The following GARIN5B variants were observed in gnomAD, a reference collection of about 807,000 sequenced individuals.
GARIN5B encodes golgi associated RAB2 interactor family member 5B.
At chr19:55,358,821 G>T in the GARIN5B span, 3 of 1,546,514 alleles carry the variant, frequency 1.9e-6, no homozygotes, top group East Asian at 2.4e-5. Context: ...TCCTGGGAGG[G>T]GCCCTCGACG....
At chr19:55,356,003 C>T in the GARIN5B span, among the ~76,000 whole-genome samples, 3 of 150,014 alleles carry the variant, frequency 2.0e-5, no homozygotes, top group East Asian at 3.9e-4. Context: ...AAATCAAAAA[C>T]TTGGCTGGGC....
the GARIN5B span, chr19:55,358,347 C>A: frequency 6.6e-7 from 1 of 1,525,724 alleles, no homozygotes; most frequent in Non-Finnish European, 8.8e-7. Flanking sequence ...GCTGTGGCCT[C>A]CATCTTTGAG....
the GARIN5B span, chr19:55,363,051 T>G: frequency 1.3e-6 from 2 of 1,497,934 alleles, no homozygotes; most frequent in Non-Finnish European, 1.8e-6. This position sits in a 1 kb window ranked among gnomAD's most constrained non-coding sequence, Gnocchi z 4.0. Context: ...CACCTCCTGT[T>G]TCGAAGCCAG....
At chr19:55,362,018 G>C in the GARIN5B span, among the ~76,000 whole-genome samples, 1 of 136,510 alleles carries the variant, frequency 7.3e-6, no homozygotes, top group African/African-American at 3.0e-5. Context: ...TTCTTCCCTC[G>C]ACTCAGGGGT....
At chr19:55,355,899 T>C in the GARIN5B span, among the ~76,000 whole-genome samples, 1 of 151,698 alleles carries the variant, frequency 6.6e-6, no homozygotes, top group Non-Finnish European at 1.5e-5. Context: ...GGCAGGAGAA[T>C]CACCTGAGCC....
chr19:55,358,851 C>A, the GARIN5B span: 9 of 1,547,252 alleles, frequency 5.8e-6, no homozygotes, highest in Non-Finnish European at 7.9e-6. Flanking sequence ...TTGGCCTTGA[C>A]CCATCTCTTC....
chr19:55,359,237 G>C, the GARIN5B span: 1 of 1,551,274 alleles, frequency 6.4e-7, no homozygotes, highest in South Asian at 1.2e-5. Context: ...GTATTCGGTA[G>C]GTGAGGTTGG....
At chr19:55,358,460 G>A in the GARIN5B span, 3 of 1,528,544 alleles carry the variant, frequency 2.0e-6, no homozygotes, top group South Asian at 1.2e-5. Context: ...ACTGGCAGAG[G>A]TGGGCTTGGA....
At chr19:55,362,885 C>T in the GARIN5B span, 3 of 1,480,738 alleles carry the variant, frequency 2.0e-6, no homozygotes, top group Middle Eastern at 3.5e-4. Flanking sequence ...CCCTCTGTCC[C>T]TCTCAGCCCC....
the GARIN5B span, among the ~76,000 whole-genome samples, chr19:55,357,036 G>T: frequency 6.6e-6 from 1 of 152,130 alleles, no homozygotes; most frequent in African/African-American, 2.4e-5. Context: ...TAGCCTGGGC[G>T]ACAGAGCAAG....
the GARIN5B span, among the ~76,000 whole-genome samples, chr19:55,361,710 TCCCCAGCCCCTCCTCCCTCAGAC>T: frequency 2.5e-5 from 1 of 40,256 alleles, no homozygotes; most frequent in Non-Finnish European, 6.4e-5. Flanking sequence ...GACCCAGGAG[TCCCCAGCCCCTCCTCCCTCAGAC>T]CCAGGAGTTC....
At chr19:55,356,140 GC>G in the GARIN5B span, among the ~76,000 whole-genome samples, 1 of 151,886 alleles carries the variant, frequency 6.6e-6, no homozygotes, top group East Asian at 1.9e-4. Context: ...ACTTTGGGAA[GC>G]CGGATGGATC....
chr19:55,361,816 C>CCAGA, the GARIN5B span, among the ~76,000 whole-genome samples: 7 of 114,094 alleles, frequency 6.1e-5, no homozygotes, highest in African/African-American at 2.5e-4. Flanking sequence ...ACCCAGGAGT[C>CCAGA]CCCCAGCCCC....
chr19:55,362,281 C>T, the GARIN5B span: 26 of 1,545,974 alleles, frequency 1.7e-5, no homozygotes, highest in African/African-American at 4.1e-5. Flanking sequence ...CTTCGGCCAG[C>T]GGCATATCCA....
the GARIN5B span, chr19:55,361,102 G>T: frequency 3.9e-6 from 6 of 1,551,246 alleles, no homozygotes; most frequent in Non-Finnish European, 4.4e-6. Flanking sequence ...GCGCTTGAGC[G>T]CCTGGAGTGG....
the GARIN5B span, chr19:55,360,711 C>G: frequency 6.4e-7 from 1 of 1,551,636 alleles, no homozygotes; most frequent in Non-Finnish European, 8.7e-7. Flanking sequence ...AGGACTGTGT[C>G]TGGTTGGCGG....
the GARIN5B span, chr19:55,362,356 G>A: frequency 6.4e-7 from 1 of 1,550,598 alleles, no homozygotes; most frequent in African/African-American, 1.4e-5. Flanking sequence ...GGTTGATGAG[G>A]CGGACCCAGC....
the GARIN5B span, chr19:55,362,191 G>C: frequency 6.8e-7 from 1 of 1,462,980 alleles, no homozygotes; most frequent in South Asian, 1.4e-5. Flanking sequence ...TCTGGATCTG[G>C]CCGGAGGGTT....
chr19:55,362,721 T>G, the GARIN5B span: 1 of 1,533,818 alleles, frequency 6.5e-7, no homozygotes, highest in East Asian at 2.5e-5. Flanking sequence ...CTGGGCCCCC[T>G]TGATGGGTCA....
Sources: allele counts gnomAD v4.1 joint callset (sites outside exome capture counted in the v4.1 genomes callset), GRCh38; gene constraint gnomAD v4.1.1; non-coding constraint Gnocchi (gnomAD v3.1); transcripts MANE v1.5; gene names NCBI Gene and HGNC (gene_info 2026-07-23, HGNC 2026-07-21).